The following ZMYM5 variants were observed in gnomAD, a reference collection of about 807,000 sequenced individuals.
The protein encoded by ZMYM5 is zinc finger MYM-type protein 5.
A neutral mutation model predicts 61.8 loss-of-function variants in ZMYM5; 41 were observed. That is an observed-to-expected ratio of 0.66 (90% CI 0.52 to 0.86). The LOEUF (loss-of-function observed/expected upper bound fraction) is 0.86. Ranked by LOEUF, ZMYM5 falls within the 40% of genes least tolerant of loss-of-function variation. ZMYM5 has a pLI of 0.00. For missense variants in ZMYM5, 706 were observed against 786.7 expected, an observed-to-expected ratio of 0.90 and a Z score of 1.23; for synonymous variants, 257 against 276.4, an observed-to-expected ratio of 0.93 and a Z score of 0.70.
At chr13:19,832,865 G>A (rs1303750824) in intron 7 of ZMYM5, among the ~76,000 whole-genome samples, 4 of 148,770 alleles carry the variant, frequency 2.7e-5, no homozygotes, top group African/African-American at 1.0e-4. Flanking sequence ...TGAGGAGCTA[G>A]AACTACGAGT....
intron 7 of ZMYM5, among the ~76,000 whole-genome samples, chr13:19,832,761 G>C (rs1394647485): frequency 6.6e-6 from 1 of 151,962 alleles, no homozygotes; most frequent in Admixed American, 6.6e-5. Context: ...ACAATATTAA[G>C]TCTTTTTAAA....
At chr13:19,844,208 G>A (rs1304578150) in intron 4 of ZMYM5, among the ~76,000 whole-genome samples, 1 of 152,012 alleles carries the variant, frequency 6.6e-6, no homozygotes, top group African/African-American at 2.4e-5. Context: ...TACTTGGGAG[G>A]CTAAGGTGGG....
chr13:19,842,791 C>A (rs1952923516), intron 4 of ZMYM5, among the ~76,000 whole-genome samples: 1 of 151,574 alleles, frequency 6.6e-6, no homozygotes, highest in South Asian at 2.1e-4. Context: ...GAAACCCCAT[C>A]TCTACTAAAA....
In ZMYM5 at chr13:19,825,211, A is replaced by AT; in HGVS notation, c.1275dup (p.Leu426IlefsTer7). On this transcript the variant is annotated frameshift_variant, in exon 8 of 8. Transcript: ENST00000337963. LOFTEE classifies it high-confidence loss of function. ...CTTTTTCTATTTTCTGATGCTGTTA[A>AT]TTTTTTTGATTTTGTTTCCATCATC... 2 of 1,264,036 alleles carry AT rather than the reference A, an allele frequency of 1.6e-6. No homozygotes were observed. The highest frequency in any genetic ancestry group is 1.0e-6 in the Non-Finnish European group (1 of 977,310). The allele number at this position is 1,264,036 out of a possible 1,614,324, so 78.3% of individuals were successfully genotyped here. A position where few individuals can be genotyped will look rare whatever the true frequency, so the allele number is the denominator to read the frequency against.
intron 7 of ZMYM5, among the ~76,000 whole-genome samples, chr13:19,831,775 G>A (rs1210352978): frequency 2.1e-5 from 2 of 94,724 alleles, no homozygotes; most frequent in Non-Finnish European, 3.7e-5. Context: ...GTGACAGAGA[G>A]AGACTCTGTC....
At position 19,835,610 on chromosome 13, in the gene ZMYM5, T is replaced by C. The variant is rs780072268; in HGVS notation, c.1118A>G (p.Asn373Ser). ...NHCFNKYRLA[N>S]GLIMNCCEHC... ...TTCACAGCAGTTCATTATTAGACCA[T>C]TGGCCAATCTGTACTTATTAAAGCA... The change falls in exon 7 of 8, where the codon AAT (asparagine) becomes AGT (serine). Residue 373 changes from asparagine (N) to serine (S), a missense_variant. By Grantham distance (46) the Asn-to-Ser change is conservative (BLOSUM62 1). Transcript: ENST00000337963. 8.0e-6 allele frequency: 11 copies of C among 1,367,576 alleles called. No individual in the cohort carries two copies. In the African/African-American group the frequency reaches 1.0e-4, roughly 13 times the overall value. The allele number at this position is 1,367,576 out of a possible 1,614,324, so 84.7% of individuals were successfully genotyped here.
rs940163426 is a variant in ZMYM5, at chr13:19,856,603, A to C, written c.-10-4413T>G. Among the ~76,000 whole-genome samples, 3 of 150,626 alleles carry C rather than the reference A, an allele frequency of 2.0e-5. No homozygotes were observed. The East Asian group carries it at 5.9e-4, about 30-fold the overall frequency. On this transcript the variant is annotated intron_variant, in intron 2 of 7. Coordinates refer to ENST00000337963, the MANE Select transcript of ZMYM5 (RefSeq NM_001142684.2). ...TGAGGTGACCTGAGATCATGCCATT[A>C]AACTCCAGCCTGGGCAACAAGGGCG...
chr13:19,849,936 G>A (rs10219942), intron 4 of ZMYM5, among the ~76,000 whole-genome samples: 14,894 of 151,384 alleles, frequency 0.098, 863 homozygotes, highest in African/African-American at 0.16. Context: ...AGCCGAGATC[G>A]TGCCACTGCA....
chr13:19,856,871 C>G (rs1365975564), intron 2 of ZMYM5, among the ~76,000 whole-genome samples: 5 of 152,100 alleles, frequency 3.3e-5, no homozygotes, highest in African/African-American at 7.2e-5. Flanking sequence ...CTTTGGGAGG[C>G]AGAGGCGGGC....
At chr13:19,828,391 T>C (rs961557194) in intron 7 of ZMYM5, among the ~76,000 whole-genome samples, 2 of 151,766 alleles carry the variant, frequency 1.3e-5, no homozygotes, top group African/African-American at 4.8e-5. Context: ...GGAGAATCGC[T>C]TGAACCTGGG....
intron 7 of ZMYM5, among the ~76,000 whole-genome samples, chr13:19,831,056 G>T (rs1429175584): frequency 6.6e-6 from 1 of 150,940 alleles, no homozygotes; most frequent in African/African-American, 2.4e-5. Flanking sequence ...AGCCAGGATG[G>T]TCTTGATCTC....
intron 2 of ZMYM5, among the ~76,000 whole-genome samples, chr13:19,859,327 C>T (rs1953635763): frequency 6.6e-6 from 1 of 152,218 alleles, no homozygotes; most frequent in African/African-American, 2.4e-5. Context: ...GCCAGAAGAT[C>T]ACCCGCAAGC....
intron 1 of ZMYM5, 22 bp downstream of exon 1, chr13:19,863,428 C>T (rs1953855688): frequency 6.6e-6 from 1 of 152,352 alleles, no homozygotes; most frequent in South Asian, 2.1e-4. Context: ...CTGCTCTCAC[C>T]CATCTCCGCC....
chr13:19,836,823 T>C (rs1952687010), intron 6 of ZMYM5, among the ~76,000 whole-genome samples: 1 of 152,134 alleles, frequency 6.6e-6, no homozygotes, highest in African/African-American at 2.4e-5. Context: ...AAGACTTTTA[T>C]AAAGTGAGGA....
chr13:19,861,520 G>T (rs1183466591), intron 2 of ZMYM5, among the ~76,000 whole-genome samples: 1 of 152,134 alleles, frequency 6.6e-6, no homozygotes, highest in Non-Finnish European at 1.5e-5. Flanking sequence ...GCTGTGAAAT[G>T]TAAGAAAATA....
At chr13:19,849,945 C>T (rs2064555944) in intron 4 of ZMYM5, among the ~76,000 whole-genome samples, 1 of 151,414 alleles carries the variant, frequency 6.6e-6, no homozygotes, top group Non-Finnish European at 1.5e-5. Flanking sequence ...CGTGCCACTG[C>T]ATTCCAGCCT....
In ZMYM5 at chr13:19,824,784, A is replaced by C; in HGVS notation, c.1703T>G (p.Leu568Arg). The change falls in exon 8 of 8, where the codon CTT becomes CGT. Residue 568 changes from leucine (L) to arginine (R), a missense_variant. Transcript: ENST00000337963. ...KFSETYYTRI[L>R]PNGEKTTRSW... ...TCTAGTGGTTTTTTCACCATTTGGA[A>C]GAATCCGTGTATAATAAGTTTCTGA... The C allele has an allele frequency of 7.4e-7, 1 of 1,357,432 alleles. No homozygotes were observed. Among genetic ancestry groups the C allele is most frequent in the Non-Finnish European group, 9.8e-7 (1 of 1,016,232 alleles). 84.1% of individuals were successfully genotyped at this position (1,357,432 alleles called of 1,614,324 possible). A position where few individuals can be genotyped will look rare whatever the true frequency, so the allele number is the denominator to read the frequency against.
At position 19,851,825 on chromosome 13, in the gene ZMYM5, A is replaced by G. The variant is rs1443798808; in HGVS notation, c.356T>C (p.Ile119Thr). The change falls in exon 3 of 8, where the codon ATT becomes ACT. Residue 119 changes from isoleucine to threonine, a missense_variant. Around this residue, in one of 2 missense-constraint regions of ZMYM5, gnomAD observed 480 missense variants for 461.7 expected, o/e 1.04. Transcript: ENST00000337963. Reference protein sequence around the residue: ...QKGNISETIVIDDEEDIETNG... With the variant: ...QKGNISETIVTDDEEDIETNG... ...TGTTTCTATGTCCTCTTCATCATCA[A>G]TAACAATTGTCTCACTTATATTTCC... 1.2e-6 allele frequency: 2 copies of G among 1,612,876 alleles called. No individual in the cohort carries two copies. The highest frequency in any genetic ancestry group is 3.3e-5 in the Admixed American group (2 of 59,736).
At chr13:19,846,103 TAG>T (rs1953064011) in intron 4 of ZMYM5, among the ~76,000 whole-genome samples, 1 of 152,226 alleles carries the variant, frequency 6.6e-6, no homozygotes. Context: ...TTTAAGGATT[TAG>T]AGTCTCTCTT....
Sources: gnomAD v4.1 joint callset for allele counts (sites outside exome capture counted in the v4.1 genomes callset) on GRCh38, gnomAD v4.1.1 for gene constraint, gnomAD v4.1.1 regional missense constraint, MANE v1.5 for transcripts, NCBI Gene and HGNC (gene_info 2026-07-23, HGNC 2026-07-21) for gene names.